The following AKAP6 variants were observed in gnomAD, a reference collection of about 807,000 sequenced individuals.
AKAP6 encodes the protein A-kinase anchor protein 6.
AKAP6 carries 58 observed loss-of-function variants against 188.5 expected under a neutral mutation model. That is an observed-to-expected ratio of 0.31 (90% CI 0.25 to 0.38). The LOEUF (loss-of-function observed/expected upper bound fraction) is 0.38. Ranked by LOEUF, AKAP6 falls within the 10% of genes least tolerant of loss-of-function variation. AKAP6 has a pLI of 1.00. For missense variants in AKAP6, 2,710 were observed against 2,740.0 expected, an observed-to-expected ratio of 0.99 and a Z score of 0.24; for synonymous variants, 989 against 998.6, an observed-to-expected ratio of 0.99 and a Z score of 0.18.
intron 7 of AKAP6, among the ~76,000 whole-genome samples, chr14:32,625,944 A>G (rs2139435066): frequency 1.3e-5 from 2 of 152,282 alleles, no homozygotes; most frequent in African/African-American, 4.8e-5. Context: ...AAAAGGGACT[A>G]AATAAGAAGC....
At chr14:32,597,589 C>T (rs1885757519) in intron 5 of AKAP6, among the ~76,000 whole-genome samples, 2 of 152,136 alleles carry the variant, frequency 1.3e-5, no homozygotes, top group South Asian at 4.1e-4. Flanking sequence ...AAGTATGAGG[C>T]TTCCCATACA....
intron 2 of AKAP6, among the ~76,000 whole-genome samples, chr14:32,508,211 A>G (rs554065536): frequency 3.9e-5 from 6 of 152,268 alleles, no homozygotes; most frequent in Admixed American, 3.9e-4. Context: ...AAATCACATA[A>G]TGAAAGAGGG....
At chr14:32,333,006 A>C (rs1281802480) in intron 1 of AKAP6, among the ~76,000 whole-genome samples, 1 of 152,130 alleles carries the variant, frequency 6.6e-6, no homozygotes, top group Non-Finnish European at 1.5e-5. Context: ...GGGCTAATGC[A>C]CACACTGACA....
At chr14:32,763,794 C>T (rs1343026760) in intron 11 of AKAP6, among the ~76,000 whole-genome samples, 3 of 152,134 alleles carry the variant, frequency 2.0e-5, no homozygotes, top group Non-Finnish European at 4.4e-5. Context: ...AGCTGAATCT[C>T]TATATTGGCT....
At chr14:32,368,889 AC>A (rs1566468039) in intron 1 of AKAP6, among the ~76,000 whole-genome samples, 4,384 of 149,716 alleles carry the variant, frequency 0.029, 93 homozygotes, top group South Asian at 0.082. Flanking sequence ...GAAAAAAAAA[AC>A]AAAAACATGC....
intron 2 of AKAP6, chr14:32,484,897 A>G (rs1566532200): frequency 4.5e-6 from 1 of 220,602 alleles, no homozygotes; most frequent in Non-Finnish European, 6.6e-6. Flanking sequence ...TGATTTTCAT[A>G]TTGAATTGCA....
chr14:32,470,642 A>G (rs1413226625), intron 2 of AKAP6, among the ~76,000 whole-genome samples: 2 of 152,236 alleles, frequency 1.3e-5, no homozygotes, highest in Non-Finnish European at 2.9e-5. Context: ...AAATGCCAAC[A>G]AAATATTTAA....
chr14:32,521,763 C>T (rs1881846163), intron 2 of AKAP6, among the ~76,000 whole-genome samples: 1 of 152,096 alleles, frequency 6.6e-6, no homozygotes, highest in Non-Finnish European at 1.5e-5. Flanking sequence ...CCATACTGCC[C>T]AAGGTAATTT....
chr14:32,774,196 C>G (rs888336485), intron 12 of AKAP6, among the ~76,000 whole-genome samples: 2 of 152,170 alleles, frequency 1.3e-5, no homozygotes, highest in African/African-American at 4.8e-5. Context: ...ACCTTACCAA[C>G]CTAAGCCATT....
Position 32,822,425 on chromosome 14 carries a change from C to T in AKAP6, c.4612C>T (p.Arg1538Cys), listed in dbSNP as rs369118703. 2.2e-5 allele frequency: 35 copies of T among 1,613,764 alleles called. No individual in the cohort carries two copies. The highest frequency in any genetic ancestry group is 1.6e-4 in the Middle Eastern group (1 of 6,084). Residue 1538 changes from arginine to cysteine, a missense_variant, in exon 13 of 14, where the codon CGC (arginine) becomes TGC (cysteine). By Grantham distance (180) the Arg-to-Cys change is radical. Transcript: ENST00000280979. ...ILASASHEMD[R>C]ISYKSGNIEK... The stretch of plus-strand genomic sequence containing the variant: ...GGCAAGTGCATCTCATGAAATGGAT[C>T]GCATTTCATATAAAAGTGGCAATAT...
chr14:32,416,913 T>G (rs1478494834), intron 1 of AKAP6, among the ~76,000 whole-genome samples: 1 of 152,206 alleles, frequency 6.6e-6, no homozygotes, highest in Non-Finnish European at 1.5e-5. Context: ...TGATCTTGGC[T>G]CACTGCAACT....
chr14:32,720,001 T>C (rs2030445799), intron 9 of AKAP6, among the ~76,000 whole-genome samples: 1 of 152,158 alleles, frequency 6.6e-6, no homozygotes, highest in Non-Finnish European at 1.5e-5. Context: ...ACCATACACA[T>C]CCATAGTTCA....
At chr14:32,605,763 C>T (rs956715242) in intron 7 of AKAP6, among the ~76,000 whole-genome samples, 2 of 152,114 alleles carry the variant, frequency 1.3e-5, no homozygotes, top group African/African-American at 4.8e-5. Context: ...TCTCCAAGCA[C>T]AGCAGTTATG....
At chr14:32,761,184 C>T (rs2032524852) in intron 11 of AKAP6, among the ~76,000 whole-genome samples, 1 of 152,138 alleles carries the variant, frequency 6.6e-6, no homozygotes, top group Non-Finnish European at 1.5e-5. Flanking sequence ...AATGAATAAA[C>T]AGTATGTCTT....
chr14:32,669,811 A>G (rs1201539324), intron 7 of AKAP6, among the ~76,000 whole-genome samples: 3 of 152,150 alleles, frequency 2.0e-5, no homozygotes, highest in Non-Finnish European at 4.4e-5. Flanking sequence ...AAAGGGGAAA[A>G]CATAGGTGGG....
intron 12 of AKAP6, among the ~76,000 whole-genome samples, chr14:32,794,921 A>G (rs1378809973): frequency 6.6e-6 from 1 of 152,126 alleles, no homozygotes; most frequent in African/African-American, 2.4e-5. Context: ...AGAGAAAACA[A>G]TCAAATACAC....
At chr14:32,562,409 T>C (rs1211375491) in intron 4 of AKAP6, among the ~76,000 whole-genome samples, 6 of 152,162 alleles carry the variant, frequency 3.9e-5, no homozygotes, top group Non-Finnish European at 5.9e-5. Flanking sequence ...ACAGAAATAC[T>C]TTTGCTTTTG....
At chr14:32,491,020 A>G (rs1879984370) in intron 2 of AKAP6, among the ~76,000 whole-genome samples, 1 of 152,214 alleles carries the variant, frequency 6.6e-6, no homozygotes, top group Non-Finnish European at 1.5e-5. Flanking sequence ...AAATACCAGA[A>G]AAGACATTTA....
intron 2 of AKAP6, among the ~76,000 whole-genome samples, chr14:32,464,345 A>G (rs1878264075): frequency 1.3e-5 from 2 of 152,238 alleles, no homozygotes; most frequent in Non-Finnish European, 2.9e-5. Context: ...AAAATCCTCA[A>G]TAAAAATACT....
Sources: allele counts gnomAD v4.1 joint callset (sites outside exome capture counted in the v4.1 genomes callset), GRCh38; gene constraint gnomAD v4.1.1; transcripts MANE v1.5; gene names NCBI Gene and HGNC (gene_info 2026-07-23, HGNC 2026-07-21).